The following THSD4 variants were observed in gnomAD, a reference collection of about 807,000 sequenced individuals.
THSD4 encodes thrombospondin type-1 domain-containing protein 4.
In THSD4, 69 loss-of-function variants were observed where a neutral mutation model predicts 119.0. That is an observed-to-expected ratio of 0.58 (90% confidence interval 0.48 to 0.71). The LOEUF (loss-of-function observed/expected upper bound fraction) is 0.71, where lower values mean the gene tolerates loss of function less well. THSD4 is among the 30% of genes least tolerant of loss of function. THSD4 has a pLI of 0.00. For synonymous variants in THSD4, 524 were observed against 540.4 expected, an observed-to-expected ratio of 0.97 and a Z score of 0.42; for missense variants, 1,393 against 1,391.1, an observed-to-expected ratio of 1.00 and a Z score of -0.02.
At chr15:71,537,853 C>T (rs2048707230) in intron 7 of THSD4, among the ~76,000 whole-genome samples, 1 of 152,008 alleles carries the variant, frequency 6.6e-6, no homozygotes, top group African/African-American at 2.4e-5. Context: ...GCAACTGCCT[C>T]CTAGGTTGAA....
intron 7 of THSD4, among the ~76,000 whole-genome samples, chr15:71,526,490 T>C (rs1472328195): frequency 6.6e-6 from 1 of 152,166 alleles, no homozygotes; most frequent in African/African-American, 2.4e-5. Flanking sequence ...TTAGTGATTC[T>C]TTTTTTAAGT....
intron 8 of THSD4, among the ~76,000 whole-genome samples, chr15:71,718,716 G>GC (rs1335012810): frequency 2.0e-5 from 3 of 152,020 alleles, no homozygotes; most frequent in African/African-American, 7.2e-5. Flanking sequence ...CTAAGGTCGT[G>GC]CCCCCTCCTG....
intron 6 of THSD4, among the ~76,000 whole-genome samples, chr15:71,363,514 A>G (rs1566955108): frequency 6.6e-6 from 1 of 152,226 alleles, no homozygotes; most frequent in Non-Finnish European, 1.5e-5. Flanking sequence ...TCTAGAATAG[A>G]GTAACCCAGG....
chr15:71,164,947 C>G, intron 3 of THSD4: 10 of 1,592,074 alleles, frequency 6.3e-6, no homozygotes, highest in Non-Finnish European at 8.6e-6. Context: ...CAGCAATATC[C>G]TTTTCGTATT....
At chr15:71,480,780 C>G (rs984601635) in intron 7 of THSD4, among the ~76,000 whole-genome samples, 3 of 152,156 alleles carry the variant, frequency 2.0e-5, no homozygotes, top group Non-Finnish European at 2.9e-5. Flanking sequence ...CGTGGCCCAG[C>G]CTAAAGTCAG....
At chr15:71,758,907 G>A (rs1038781274) in intron 15 of THSD4, among the ~76,000 whole-genome samples, 5 of 152,042 alleles carry the variant, frequency 3.3e-5, no homozygotes, top group African/African-American at 1.2e-4. Context: ...TAAAAGTCAG[G>A]AACCATAAAA....
rs199529504 is a variant in THSD4, at chr15:71,483,747, AC to A, written c.1152+71928del. 1.1e-3 allele frequency among the ~76,000 whole-genome samples: 138 copies of A among 122,174 alleles called. 2 individuals are homozygous for A. The East Asian group carries it at 0.031, about 28-fold the overall frequency. The allele number at this position is 122,174 out of a possible 152,430, so 80.2% of individuals were successfully genotyped here. ...GCCATTTATCCTGATGCTCTCCCCG[AC>A]CCCACCCTCCCCCGACAGACCCCAG... On this transcript the variant is annotated intron_variant, in intron 7 of 17. Coordinates refer to ENST00000261862, the MANE Select transcript of THSD4 (RefSeq NM_024817.3).
intron 7 of THSD4, among the ~76,000 whole-genome samples, chr15:71,566,758 G>GC (rs1414786430): frequency 4.0e-4 from 25 of 63,232 alleles, no homozygotes; most frequent in African/African-American, 1.6e-3. Context: ...CCTGCTCCCC[G>GC]CTCCCCCTGC....
At chr15:71,330,844 A>G (rs1566943387) in intron 6 of THSD4, among the ~76,000 whole-genome samples, 1 of 152,198 alleles carries the variant, frequency 6.6e-6, no homozygotes, top group Non-Finnish European at 1.5e-5. Context: ...CAAGAGTAAG[A>G]GAGCGACTAG....
intron 4 of THSD4, among the ~76,000 whole-genome samples, chr15:71,234,128 G>A (rs2044082903): frequency 6.6e-6 from 1 of 152,128 alleles, no homozygotes; most frequent in Non-Finnish European, 1.5e-5. Flanking sequence ...TCTCAGGTGG[G>A]CCCCTCCACC....
chr15:71,319,405 C>A (rs961526668), intron 6 of THSD4, among the ~76,000 whole-genome samples: 3 of 143,156 alleles, frequency 2.1e-5, no homozygotes, highest in Non-Finnish European at 4.6e-5. Context: ...CCCTTCCCCC[C>A]ACCCCACAAC....
intron 7 of THSD4, among the ~76,000 whole-genome samples, chr15:71,644,672 A>G (rs918053651): frequency 2.6e-5 from 4 of 152,200 alleles, no homozygotes; most frequent in African/African-American, 7.2e-5. Flanking sequence ...AGGAAGATGG[A>G]TATCTTCATC....
chr15:71,627,450 C>T (rs2050530984), intron 7 of THSD4, among the ~76,000 whole-genome samples: 1 of 152,164 alleles, frequency 6.6e-6, no homozygotes, highest in Non-Finnish European at 1.5e-5. Flanking sequence ...AAGCTCAGGC[C>T]GTACCACAAC....
In THSD4 at chr15:71,467,635, T is replaced by C. The variant is rs150596387; in HGVS notation, c.1152+55812T>C. ...GCTTCAAGGAAGGGTCAGAAAATCC[T>C]TCCTGGGTGTGATGACTTGCTTCAG... On this transcript the variant is annotated intron_variant, in intron 7 of 17. Transcript: ENST00000261862. 8.3e-3 allele frequency among the ~76,000 whole-genome samples: 1,263 copies of C among 152,244 alleles called. 4 individuals carry two copies. The highest frequency in any genetic ancestry group is 0.012 in the Non-Finnish European group (844 of 68,018).
chr15:71,125,655 G>A (rs898694200), intron 1 of THSD4, among the ~76,000 whole-genome samples: 14 of 152,164 alleles, frequency 9.2e-5, no homozygotes, highest in Admixed American at 2.6e-4. Flanking sequence ...CGAAGAAGGC[G>A]CCTCCAGCTG....
intron 10 of THSD4, among the ~76,000 whole-genome samples, chr15:71,736,287 C>T (rs1448556404): frequency 2.0e-5 from 3 of 150,194 alleles, no homozygotes; most frequent in Admixed American, 2.0e-4. Context: ...CTGTCTCTCT[C>T]GCTCTCTGTC....
At chr15:71,729,861 G>C (rs1311773918) in intron 9 of THSD4, 1 of 152,082 alleles carries the variant, frequency 6.6e-6, no homozygotes, top group Admixed American at 6.6e-5. Flanking sequence ...AAGGGAGTGA[G>C]GGGATGAGGG....
chr15:71,506,948 G>A (rs1307693054), intron 7 of THSD4, among the ~76,000 whole-genome samples: 1 of 152,228 alleles, frequency 6.6e-6, no homozygotes, highest in Non-Finnish European at 1.5e-5. Flanking sequence ...TTCCTAGGCA[G>A]GGGGAAGTGG....
intron 7 of THSD4, among the ~76,000 whole-genome samples, chr15:71,421,089 G>A (rs2046798924): frequency 1.2e-5 from 1 of 82,322 alleles, no homozygotes; most frequent in African/African-American, 4.1e-5. Context: ...AGTTCAGGAG[G>A]CAGAAGTTGT....
Sources: allele counts gnomAD v4.1 joint callset (sites outside exome capture counted in the v4.1 genomes callset), GRCh38; gene constraint gnomAD v4.1.1; transcripts MANE v1.5; gene names NCBI Gene and HGNC (gene_info 2026-07-23, HGNC 2026-07-21).